The following STAT3 variants were observed in gnomAD, a reference collection of about 807,000 sequenced individuals.
The protein encoded by STAT3 is signal transducer and activator of transcription 3, also known as DNA-binding protein APRF.
Under a neutral mutation model 114.3 loss-of-function variants are expected in STAT3, and 7 were observed. That is an observed-to-expected ratio of 0.06 (90% CI 0.03 to 0.11). The LOEUF (loss-of-function observed/expected upper bound fraction) is 0.11. Ranked by LOEUF, STAT3 falls within the 10% of genes least tolerant of loss-of-function variation. The pLI, the probability that STAT3 is intolerant of heterozygous loss-of-function variation, is 1.00. For missense variants in STAT3, 364 were observed against 960.9 expected (o/e 0.38, Z 8.21); for synonymous variants, 331 against 354.5 (o/e 0.93, Z 0.74).
chr17:42,369,218 C>T (rs1170101003), intron 1 of STAT3, among the ~76,000 whole-genome samples: 1 of 152,122 alleles, frequency 6.6e-6, no homozygotes, highest in Non-Finnish European at 1.5e-5. Flanking sequence ...ATTAGCCAGG[C>T]ATGGTGGAGG....
intron 1 of STAT3, among the ~76,000 whole-genome samples, chr17:42,384,295 CT>C (rs971602066): frequency 6.0e-5 from 9 of 151,164 alleles, no homozygotes; most frequent in African/African-American, 1.9e-4. Flanking sequence ...CGCCCGGCTA[CT>C]TTTTTTTGTA....
chr17:42,314,549 A>G lies in STAT3; in HGVS notation c.*1196T>C, dbSNP rs193126798. 5.2e-5 allele frequency: 12 copies of G among 232,616 alleles called. No homozygotes were observed. The East Asian group carries it at 7.3e-4, about 14-fold the overall frequency. The allele number at this position is 232,616 out of a possible 1,614,324, so 14.4% of individuals were successfully genotyped here. The stretch of plus-strand genomic sequence containing the variant: ...CCCTGATAAGGCACCCACAGAAACA[A>G]CCTAGCCTCTGAAACAGCAGATCAA... On this transcript the variant is annotated 3_prime_UTR_variant, in exon 24 of 24. Transcript: ENST00000264657.
intron 14 of STAT3, among the ~76,000 whole-genome samples, chr17:42,326,411 G>A (rs2081727075): frequency 6.6e-6 from 1 of 152,180 alleles, no homozygotes; most frequent in Non-Finnish European, 1.5e-5. Flanking sequence ...GAGAGGCTGA[G>A]GTGGGAGGAT....
chr17:42,322,576 CG>C, intron 20 of STAT3, 82 bp from the exon 21 acceptor site: 3 of 1,513,684 alleles, frequency 2.0e-6, no homozygotes, highest in Non-Finnish European at 2.8e-6. Context: ...TTTCTTTCCT[CG>C]AAGGGGAAAA....
chr17:42,326,220 C>CTCTT, intron 14 of STAT3, 21 bp from the exon 15 acceptor site: 1 of 1,611,562 alleles, frequency 6.2e-7, no homozygotes, highest in Non-Finnish European at 8.5e-7. Flanking sequence ...GAGAAGGACA[C>CTCTT]TCTTAGGCCA....
At chr17:42,325,381 G>A (rs1015324703) in intron 15 of STAT3, among the ~76,000 whole-genome samples, 3 of 152,126 alleles carry the variant, frequency 2.0e-5, no homozygotes, top group African/African-American at 4.8e-5. Context: ...ACTTGAAGCT[G>A]TATCTTCACA....
rs183181279 is a variant in STAT3, at chr17:42,319,499, G to A, written c.2102-2275C>T. Among the ~76,000 whole-genome samples, 380 of 123,556 alleles carry A rather than the reference G, an allele frequency of 3.1e-3. 1 individual carries two copies. Among genetic ancestry groups the A allele is most frequent in the African/African-American group, 0.011 (345 of 30,612 alleles). 81.1% of individuals were successfully genotyped at this position (123,556 alleles called of 152,430 possible). On this transcript the variant is annotated intron_variant, in intron 21 of 23. Coordinates refer to ENST00000264657, the MANE Select transcript of STAT3 (RefSeq NM_139276.3). ...AGAGGTTTCAGTGAAGCAAGATCGC[G>A]CCACTGCACTCCAGTCTGGACGATA...
intron 4 of STAT3, chr17:42,345,349 G>A (rs1452254364): frequency 5.4e-6 from 3 of 557,552 alleles, no homozygotes; most frequent in African/African-American, 3.8e-5. Flanking sequence ...GATTCTTTTG[G>A]TGGAACTTTC....
chr17:42,316,140 A>C lies in STAT3; in HGVS notation c.2258-340T>G, dbSNP rs563574140. ...CAAGCATTTGAGATTTGGTTTGTCC[A>C]AACTGAGCTGTGCTGTGGCTGTCAA... is the stretch of plus-strand genomic sequence containing the variant. On this transcript the variant is annotated intron_variant, in intron 23 of 23. Transcript: ENST00000264657. The C allele has an allele frequency of 8.1e-6, 10 of 1,227,986 alleles. No homozygotes were observed. In the Admixed American group the frequency reaches 2.9e-4, roughly 36 times the overall value. 76.1% of individuals were successfully genotyped at this position (1,227,986 alleles called of 1,614,324 possible). A position where few individuals can be genotyped will look rare whatever the true frequency, so the allele number is the denominator to read the frequency against.
intron 1 of STAT3, among the ~76,000 whole-genome samples, chr17:42,354,140 G>A (rs1487584371): frequency 6.6e-6 from 1 of 151,428 alleles, no homozygotes; most frequent in African/African-American, 2.4e-5. Context: ...TGGGGACAGA[G>A]GAGGGCTAGT....
chr17:42,315,522 T>C lies in STAT3; in HGVS notation c.*223A>G. 1.6e-6 allele frequency: 1 copy of C among 622,076 alleles called. No homozygotes were observed. Among genetic ancestry groups the C allele is most frequent in the South Asian group, 1.9e-5 (1 of 52,290 alleles). 38.5% of individuals were successfully genotyped at this position (622,076 alleles called of 1,614,324 possible). On this transcript the variant is annotated 3_prime_UTR_variant, in exon 24 of 24. Coordinates refer to ENST00000264657, the MANE Select transcript of STAT3 (RefSeq NM_139276.3). ...CTGATCATGGGTCTCAGAGAACACA[T>C]CCTTATTTGCATTTAGATAAAAGCA...
chr17:42,345,057 G>A (rs988040487), intron 4 of STAT3, among the ~76,000 whole-genome samples: 4 of 151,698 alleles, frequency 2.6e-5, no homozygotes, highest in Non-Finnish European at 5.9e-5. Flanking sequence ...CCTGAGGTCA[G>A]GAGTTCGAGA....
Position 42,346,698 on chromosome 17 carries a change from G to C in STAT3, c.144C>G (p.Ser48Arg). The C allele has an allele frequency of 6.2e-7, 1 of 1,614,082 alleles. No individual in the cohort carries two copies. The highest frequency in any genetic ancestry group is 8.5e-7 in the Non-Finnish European group (1 of 1,180,024). The change falls in exon 3 of 24, where the codon AGC (serine) becomes AGG (arginine). Residue 48 changes from serine to arginine, a missense_variant. Transcript: ENST00000264657. ...ACACCAAAGTGGCATGTGATTCTTT[G>C]CTGGCCGCATATGCCCTAGGAAAAG... ...IESQDWAYAA[S>R]KESHATLVFH... is the part of the protein sequence containing the mutation.
At chr17:42,331,709 C>T (rs970459428) in intron 10 of STAT3, among the ~76,000 whole-genome samples, 178 bp from the exon 11 acceptor site, 1 of 152,142 alleles carries the variant, frequency 6.6e-6, no homozygotes, top group African/African-American at 2.4e-5. Context: ...GGGAGGATCC[C>T]TTGAGCCCAG....
At chr17:42,358,920 T>C (rs2083364015) in intron 1 of STAT3, among the ~76,000 whole-genome samples, 1 of 145,772 alleles carries the variant, frequency 6.9e-6, no homozygotes, top group South Asian at 2.2e-4. Flanking sequence ...CTCCCTTTCA[T>C]GGACATTTCT....
rs201259337 is a variant in STAT3, at chr17:42,315,621, T to TA, written c.*123dup. 276 of 995,982 alleles carry TA rather than the reference T, an allele frequency of 2.8e-4. 1 individual carries two copies. In the African/African-American group the frequency reaches 3.5e-3, roughly 13 times the overall value. 61.7% of individuals were successfully genotyped at this position (995,982 alleles called of 1,614,324 possible). ...CTCAAAGATAGCAGAAGTAGGAGAT[T>TA]AAAAAAAATCTGGAACCACAAAGTT... On this transcript the variant is annotated 3_prime_UTR_variant, in exon 24 of 24. Transcript: ENST00000264657.
Position 42,337,959 on chromosome 17 carries a change from C to A in STAT3, c.551-102G>T. The A allele has an allele frequency of 1.7e-6, 1 of 592,506 alleles. No homozygotes were observed. The allele number at this position is 592,506 out of a possible 1,614,324, so 36.7% of individuals were successfully genotyped here. On this transcript the variant is annotated intron_variant, in intron 6 of 23. Coordinates refer to ENST00000264657, the MANE Select transcript of STAT3 (RefSeq NM_139276.3). This position sits in a 1 kb window ranked among gnomAD's most constrained non-coding sequence, Gnocchi z 4.0. The stretch of plus-strand genomic sequence containing the variant: ...TACTCCTGGACCTGAGGGAATACTC[C>A]TGGACCTGAGGGAATACTCCTGGAC...
rs1353197114 is a variant in STAT3 at position 42,315,005 on chromosome 17, C to T, written c.*740G>A. 6 of 177,338 alleles carry T rather than the reference C, an allele frequency of 3.4e-5. No individual in the cohort carries two copies. The highest frequency in any genetic ancestry group is 6.3e-5 in the Admixed American group (1 of 15,838). The allele number at this position is 177,338 out of a possible 1,614,324, so 11.0% of individuals were successfully genotyped here. On this transcript the variant is annotated 3_prime_UTR_variant, in exon 24 of 24. Coordinates refer to ENST00000264657, the MANE Select transcript of STAT3 (RefSeq NM_139276.3). ...CCTCCCGAGTAGCTGGGACTACAGGCGCCCACCACCACACCCAGCTAATTT... is the reference window on the plus strand; with the variant it reads ...CCTCCCGAGTAGCTGGGACTACAGGTGCCCACCACCACACCCAGCTAATTT...
chr17:42,332,319 C>T (rs1019422840), intron 10 of STAT3, among the ~76,000 whole-genome samples: 1 of 150,330 alleles, frequency 6.7e-6, no homozygotes, highest in African/African-American at 2.4e-5. Context: ...GCAGGTGGAT[C>T]ACAAGGTCAG....
Sources: allele counts gnomAD v4.1 joint callset (sites outside exome capture counted in the v4.1 genomes callset), GRCh38; gene constraint gnomAD v4.1.1; non-coding constraint Gnocchi (gnomAD v3.1); transcripts MANE v1.5; gene names NCBI Gene and HGNC (gene_info 2026-07-23, HGNC 2026-07-21).